The following RNF115 variants were observed in gnomAD, a reference collection of about 807,000 sequenced individuals.
The protein encoded by RNF115 is E3 ubiquitin-protein ligase RNF115.
Under a neutral mutation model 39.2 loss-of-function variants are expected in RNF115, and 31 were observed. That is an observed-to-expected ratio of 0.79 (90% CI 0.59 to 1.07). The LOEUF (loss-of-function observed/expected upper bound fraction) is 1.07, where lower values mean the gene tolerates loss of function less well. Ranked by LOEUF, RNF115 falls within the 50% of genes least tolerant of loss-of-function variation. The probability of loss-of-function intolerance (pLI) is 0.00; values close to 1 mark genes in which losing one functional copy is unlikely to be tolerated. For synonymous variants in RNF115, 124 were observed against 131.0 expected (o/e 0.95, Z 0.37); for missense variants, 384 against 381.7 (o/e 1.01, Z -0.05).
In RNF115 at chr1:145,739,131, TTTA is replaced by T. The variant is rs1294278732; in HGVS notation, c.*7732_*7734del. 7 of 152,288 alleles carry T rather than the reference TTTA, an allele frequency of 4.6e-5. No homozygotes were observed. Among genetic ancestry groups the T allele is most frequent in the African/African-American group, 1.7e-4 (7 of 41,464 alleles). The allele number at this position is 152,288 out of a possible 1,614,324, so 9.4% of individuals were successfully genotyped here. On this transcript the variant is annotated 3_prime_UTR_variant, in exon 9 of 9. Coordinates refer to ENST00000582693, the MANE Select transcript of RNF115 (RefSeq NM_014455.4). ...GTTAACCTCTTTGGTCATTTCTCTT[TTTA>T]AATAAATGCCCATAGCAGTATTTGG...
chr1:145,819,797 G>C (rs2770173), intron 1 of RNF115, among the ~76,000 whole-genome samples: 3 of 152,162 alleles, frequency 2.0e-5, no homozygotes, highest in East Asian at 1.9e-4. Context: ...CAGCACTTTG[G>C]GGGGCCAAGG....
intron 4 of RNF115, among the ~76,000 whole-genome samples, chr1:145,766,583 G>A (rs1437470868): frequency 3.3e-5 from 5 of 150,052 alleles, no homozygotes; most frequent in Admixed American, 1.3e-4. Context: ...GGGCAGAGGC[G>A]CCCCTCACCT....
intron 4 of RNF115, among the ~76,000 whole-genome samples, chr1:145,766,322 G>C (rs587644779): frequency 6.6e-6 from 1 of 152,186 alleles, no homozygotes; most frequent in East Asian, 1.9e-4. Context: ...TAAGGTCACA[G>C]ATCAACAGGA....
chr1:145,767,638 T>C (rs1372518488), intron 4 of RNF115, among the ~76,000 whole-genome samples: 1 of 151,840 alleles, frequency 6.6e-6, no homozygotes, highest in Non-Finnish European at 1.5e-5. Flanking sequence ...GAGGTGGAGG[T>C]TGTAGCGAGC....
Position 145,742,313 on chromosome 1 carries a change from A to G in RNF115, c.*4553T>C, listed in dbSNP as rs1487803307. 1 of 152,198 alleles carries G rather than the reference A, an allele frequency of 6.6e-6. No homozygotes were observed. Among genetic ancestry groups the G allele is most frequent in the Non-Finnish European group, 1.5e-5 (1 of 68,030 alleles). The allele number at this position is 152,198 out of a possible 1,614,324, so 9.4% of individuals were successfully genotyped here. ...TCATGAATTATTCAATTTGGTGTCA[A>G]TAATTTGTCAGAAAAATTAAAAAAA... On this transcript the variant is annotated 3_prime_UTR_variant, in exon 9 of 9. Transcript: ENST00000582693.
Position 145,758,462 on chromosome 1 carries a change from T to C in RNF115, c.429-5413A>G, listed in dbSNP as rs376281005. On this transcript the variant is annotated intron_variant, in intron 4 of 8. Coordinates refer to ENST00000582693, the MANE Select transcript of RNF115 (RefSeq NM_014455.4). ...CCTTCACCAGAACCATCTAGCTAAA[T>C]TGCTCCCAAATTCCTGACCCTCAAA... is the stretch of plus-strand genomic sequence containing the variant. Among the ~76,000 whole-genome samples the C allele has an allele frequency of 3.9e-5, 6 of 152,270 alleles. No homozygotes were observed. In the East Asian group the frequency reaches 5.8e-4, roughly 15 times the overall value.
intron 1 of RNF115, among the ~76,000 whole-genome samples, chr1:145,804,315 T>C (rs1649373139): frequency 6.6e-6 from 1 of 152,214 alleles, no homozygotes; most frequent in African/African-American, 2.4e-5. Context: ...GCATATAAAA[T>C]GAACTTCTGA....
intron 4 of RNF115, among the ~76,000 whole-genome samples, chr1:145,756,900 G>A (rs1319562831): frequency 2.1e-5 from 3 of 144,506 alleles, no homozygotes; most frequent in Non-Finnish European, 4.5e-5. Context: ...GCAGTGGTGC[G>A]ATCTCAGCTC....
chr1:145,799,792 C>T (rs1553720622), intron 1 of RNF115, among the ~76,000 whole-genome samples: 1 of 152,138 alleles, frequency 6.6e-6, no homozygotes, highest in East Asian at 1.9e-4. Context: ...TTAGGTCTCA[C>T]TTTGTTGCCC....
At chr1:145,759,041 A>G (rs149253090) in intron 4 of RNF115, among the ~76,000 whole-genome samples, 4 of 152,356 alleles carry the variant, frequency 2.6e-5, no homozygotes, top group Non-Finnish European at 4.4e-5. Flanking sequence ...TGCTAAAACC[A>G]GGTAAGAGTC....
intron 1 of RNF115, among the ~76,000 whole-genome samples, chr1:145,790,738 T>C (rs1340944069): frequency 6.6e-6 from 1 of 152,110 alleles, no homozygotes; most frequent in Non-Finnish European, 1.5e-5. Flanking sequence ...GGCCTATTTT[T>C]TTAATTAGAA....
At chr1:145,769,458 C>T in intron 4 of RNF115, among the ~76,000 whole-genome samples, 1 of 152,130 alleles carries the variant, frequency 6.6e-6, no homozygotes, top group East Asian at 1.9e-4. Context: ...CACTATAAAA[C>T]CGATACTGCA....
At chr1:145,760,754 G>A (rs1235343196) in intron 4 of RNF115, among the ~76,000 whole-genome samples, 1 of 152,136 alleles carries the variant, frequency 6.6e-6, no homozygotes, top group African/African-American at 2.4e-5. Flanking sequence ...GCCAGGAGTG[G>A]GGCATTGCTG....
At chr1:145,801,970 T>C (rs138222078) in intron 1 of RNF115, among the ~76,000 whole-genome samples, 2,519 of 152,234 alleles carry the variant, frequency 0.017, 64 homozygotes, top group African/African-American at 0.058. Context: ...ATATTTTTTG[T>C]AGAGACGGAG....
At chr1:145,787,630 T>A (rs1648449476) in intron 2 of RNF115, among the ~76,000 whole-genome samples, 7 of 149,180 alleles carry the variant, frequency 4.7e-5, no homozygotes. Context: ...CTCATGCCTG[T>A]AATCCCAGCA....
intron 3 of RNF115, among the ~76,000 whole-genome samples, chr1:145,782,172 T>C (rs927810964): frequency 2.6e-5 from 4 of 152,304 alleles, no homozygotes; most frequent in Non-Finnish European, 4.4e-5. Flanking sequence ...CCCAAAGTGC[T>C]GGGATTACAA....
Position 145,784,574 on chromosome 1 carries a change from G to A in RNF115, c.184C>T (p.Arg62Trp), listed in dbSNP as rs372197919. ...TGTGTTGTTGTGGTATTGTCTATCC[G>A]ACTGCCGCCACCACCTAAAAAACTA... is the stretch of plus-strand genomic sequence containing the variant. The part of the protein sequence containing the change: ...DSSFLGGGGS[R>W]IDNTTTTHFA... Residue 62 changes from arginine (R) to tryptophan (W), a missense_variant, in exon 3 of 9, where the codon CGG becomes TGG. By Grantham distance (101) the Arg-to-Trp change is moderately radical (BLOSUM62 -3). Transcript: ENST00000582693. The A allele has an allele frequency of 1.0e-3, 1,631 of 1,613,812 alleles. 31 individuals carry two copies. In the South Asian group the frequency reaches 0.017, roughly 17 times the overall value.
chr1:145,757,282 A>G (rs1658337189), intron 4 of RNF115, among the ~76,000 whole-genome samples: 1 of 152,166 alleles, frequency 6.6e-6, no homozygotes, highest in Non-Finnish European at 1.5e-5. Context: ...TTAGGACTTG[A>G]ACACAGCTTT....
In RNF115 at chr1:145,744,915, T is replaced by C. The variant is rs1657815368; in HGVS notation, c.*1951A>G. 6.6e-6 allele frequency: 1 copy of C among 152,198 alleles called. No individual in the cohort carries two copies. The highest frequency in any genetic ancestry group is 2.4e-5 in the African/African-American group (1 of 41,446). 9.4% of individuals were successfully genotyped at this position (152,198 alleles called of 1,614,324 possible). A position where few individuals can be genotyped will look rare whatever the true frequency, so the allele number is the denominator to read the frequency against. On this transcript the variant is annotated 3_prime_UTR_variant, in exon 9 of 9. Transcript: ENST00000582693. The stretch of plus-strand genomic sequence containing the variant: ...AAAGAGCATGTGCATGGGACACTAC[T>C]AGGCTGAAAAAATAAGGCCTACCTC...
Sources: allele counts gnomAD v4.1 joint callset (sites outside exome capture counted in the v4.1 genomes callset), GRCh38; gene constraint gnomAD v4.1.1; transcripts MANE v1.5; gene names NCBI Gene and HGNC (gene_info 2026-07-23, HGNC 2026-07-21).